Variants in GALNTL6 observed in about 807,000 individuals in gnomAD.
The protein encoded by GALNTL6 is polypeptide N-acetylgalactosaminyltransferase-like 6.
Under a neutral mutation model 73.7 loss-of-function variants are expected in GALNTL6, and 46 were observed. The ratio of observed to expected loss-of-function variants is 0.62; its 90% CI spans 0.49 to 0.80. GALNTL6 has a LOEUF of 0.80. Ranked by LOEUF, GALNTL6 falls within the 30% of genes least tolerant of loss-of-function variation. The pLI is 0.00. For synonymous variants in GALNTL6, 259 were observed against 263.7 expected, an observed-to-expected ratio of 0.98 and a Z score of 0.17; for missense variants, 604 against 755.0, an observed-to-expected ratio of 0.80 and a Z score of 2.34.
chr4:172,282,842 AAAC>A (rs140609985), intron 3 of GALNTL6, among the ~76,000 whole-genome samples: 6,142 of 152,260 alleles, frequency 0.04, 176 homozygotes, highest in South Asian at 0.086. Context: ...TAAGACAAAG[AAAC>A]AAAAACAAAC....
chr4:172,323,229 C>T (rs1740819556), intron 4 of GALNTL6, among the ~76,000 whole-genome samples: 1 of 151,626 alleles, frequency 6.6e-6, no homozygotes, highest in Non-Finnish European at 1.5e-5. Context: ...TAGTAATGAC[C>T]CCCTCATTCA....
At chr4:172,909,758 C>T (rs1441370753) in intron 8 of GALNTL6, among the ~76,000 whole-genome samples, 3 of 151,986 alleles carry the variant, frequency 2.0e-5, no homozygotes, top group Non-Finnish European at 4.4e-5. Flanking sequence ...TATGTGTTGG[C>T]TCAACAATTT....
intron 10 of GALNTL6, among the ~76,000 whole-genome samples, chr4:172,968,352 T>G (rs566365011): frequency 1.3e-5 from 2 of 152,084 alleles, no homozygotes; most frequent in Non-Finnish European, 2.9e-5. Flanking sequence ...CCAGTGGAAT[T>G]AAAAGACCCT....
Position 172,349,217 on chromosome 4 carries a change from T to C in GALNTL6, c.553+528T>C, listed in dbSNP as rs1208984356. On this transcript the variant is annotated intron_variant, in intron 5 of 12. Coordinates refer to ENST00000506823, the MANE Select transcript of GALNTL6 (RefSeq NM_001034845.3). ...CAATAACAGAAACAATCTAGTGTAA[T>C]AGTATCTTACAAAATTTAGCATAAG... Among the ~76,000 whole-genome samples, 3 of 152,132 alleles carry C rather than the reference T, an allele frequency of 2.0e-5. No homozygotes were observed. In the East Asian group the frequency reaches 5.8e-4, roughly 29 times the overall value.
At chr4:172,855,561 T>C (rs1744082124) in intron 7 of GALNTL6, among the ~76,000 whole-genome samples, 1 of 152,196 alleles carries the variant, frequency 6.6e-6, no homozygotes, top group African/African-American at 2.4e-5. Context: ...TGAGAGCTCA[T>C]TGGAACTTCT....
chr4:171,971,389 T>C (rs1739564740), intron 2 of GALNTL6, among the ~76,000 whole-genome samples: 1 of 152,228 alleles, frequency 6.6e-6, no homozygotes, highest in Non-Finnish European at 1.5e-5. Flanking sequence ...AGTAAATTTC[T>C]AGCTGTTGTT....
chr4:172,801,909 G>A (rs1409706284), intron 5 of GALNTL6, among the ~76,000 whole-genome samples: 1 of 151,948 alleles, frequency 6.6e-6, no homozygotes, highest in Non-Finnish European at 1.5e-5. Flanking sequence ...ATGATGATAA[G>A]GATGATGACC....
intron 5 of GALNTL6, chr4:172,380,366 C>T: frequency 1.4e-6 from 1 of 689,670 alleles, no homozygotes; most frequent in Admixed American, 1.8e-5. Flanking sequence ...ATCCCAGGGA[C>T]TGGCAATGAC....
chr4:171,850,663 T>C (rs1201297555), intron 2 of GALNTL6, among the ~76,000 whole-genome samples: 2 of 152,178 alleles, frequency 1.3e-5, no homozygotes, highest in Non-Finnish European at 2.9e-5. Context: ...GTAGGCTATG[T>C]TAGTCTTATG....
chr4:172,350,170 T>C (rs1741893410), intron 5 of GALNTL6, among the ~76,000 whole-genome samples: 1 of 148,566 alleles, frequency 6.7e-6, no homozygotes, highest in Admixed American at 6.8e-5. Flanking sequence ...TGTGATTGAC[T>C]GGTACTAGGA....
intron 5 of GALNTL6, among the ~76,000 whole-genome samples, chr4:172,437,287 A>T (rs1172790290): frequency 6.6e-6 from 1 of 152,174 alleles, no homozygotes. Flanking sequence ...CAGAAAGTTC[A>T]AGGTGAATTC....
intron 3 of GALNTL6, among the ~76,000 whole-genome samples, chr4:172,303,088 C>T (rs1224743349): frequency 1.3e-5 from 2 of 152,078 alleles, no homozygotes; most frequent in African/African-American, 2.4e-5. Context: ...CAACCTCTGC[C>T]GCCCAGGTTC....
intron 8 of GALNTL6, among the ~76,000 whole-genome samples, chr4:172,918,272 G>A (rs1747629352): frequency 6.6e-6 from 1 of 152,136 alleles, no homozygotes; most frequent in East Asian, 1.9e-4. Flanking sequence ...AGCATTAGGA[G>A]AAATACCTAA....
chr4:172,138,350 T>A (rs1733691165), intron 2 of GALNTL6, among the ~76,000 whole-genome samples: 1 of 149,282 alleles, frequency 6.7e-6, no homozygotes, highest in Non-Finnish European at 1.5e-5. Context: ...CCTTTTTGCA[T>A]TTTTGTCCTT....
chr4:172,353,821 G>C (rs1427691831), intron 5 of GALNTL6, among the ~76,000 whole-genome samples: 1 of 151,890 alleles, frequency 6.6e-6, no homozygotes, highest in South Asian at 2.1e-4. Context: ...AAAAATCCTA[G>C]ACCCTTCACA....
At chr4:172,368,208 G>A (rs924944236) in intron 5 of GALNTL6, among the ~76,000 whole-genome samples, 3 of 151,968 alleles carry the variant, frequency 2.0e-5, no homozygotes, top group South Asian at 2.1e-4. Flanking sequence ...GTAAAACTCC[G>A]TCTCTACTAA....
intron 8 of GALNTL6, among the ~76,000 whole-genome samples, chr4:172,894,230 T>C (rs1746202080): frequency 6.6e-6 from 1 of 152,186 alleles, no homozygotes; most frequent in South Asian, 2.1e-4. Context: ...TCTTTTATTT[T>C]GCTAATTTTG....
intron 5 of GALNTL6, among the ~76,000 whole-genome samples, chr4:172,502,998 G>A (rs2110781608): frequency 6.6e-6 from 1 of 152,220 alleles, no homozygotes; most frequent in Middle Eastern, 3.4e-3. Context: ...ACGTTTAAAT[G>A]CTCAAAATTG....
rs1392129564 is a variant in GALNTL6, at chr4:172,277,609, G to A, written c.248-34005G>A. Among the ~76,000 whole-genome samples, 7 of 152,042 alleles carry A rather than the reference G, an allele frequency of 4.6e-5. No individual in the cohort carries two copies. In the South Asian group the frequency reaches 6.2e-4, roughly 14 times the overall value. On this transcript the variant is annotated intron_variant, in intron 3 of 12. Transcript: ENST00000506823. ...TATTTTTGTTCCATAATAACATTACGAACAATTAATTCAGCCAAGTCTCTT... is the reference window on the plus strand; with the variant it reads ...TATTTTTGTTCCATAATAACATTACAAACAATTAATTCAGCCAAGTCTCTT...
Sources: gnomAD v4.1 joint callset for allele counts (sites outside exome capture counted in the v4.1 genomes callset) on GRCh38, gnomAD v4.1.1 for gene constraint, MANE v1.5 for transcripts, NCBI Gene and HGNC (gene_info 2026-07-23, HGNC 2026-07-21) for gene names.